Variants in ERI2 observed in about 807,000 individuals in gnomAD.
ERI2 encodes ERI1 exoribonuclease family member 2, also known as ERI1 exoribonuclease 2.
Under a neutral mutation model 46.8 loss-of-function variants are expected in ERI2, and 35 were observed. That is an observed-to-expected ratio of 0.75 (90% CI 0.57 to 0.99). ERI2 has a LOEUF of 0.99. ERI2 is among the 50% of genes least tolerant of loss of function. ERI2 has a pLI of 0.00. For missense variants in ERI2, 695 were observed against 796.2 expected (o/e 0.87, Z 1.53); for synonymous variants, 224 against 271.0 (o/e 0.83, Z 1.70).
At chr16:20,784,998 G>C (rs1160286789) in intron 10 of ERI2, 1 of 1,613,134 alleles carries the variant, frequency 6.2e-7, no homozygotes, top group Non-Finnish European at 8.5e-7. Flanking sequence ...AAGTTTAAAA[G>C]CTTAAAGCAC....
rs538425394 is a variant in ERI2, at chr16:20,803,759, A to C, written c.24-89T>G. 3 of 1,455,274 alleles carry C rather than the reference A, an allele frequency of 2.1e-6. No homozygotes were observed. In the East Asian group the frequency reaches 7.2e-5, roughly 35 times the overall value. The allele number at this position is 1,455,274 out of a possible 1,614,324, so 90.1% of individuals were successfully genotyped here. On this transcript the variant is annotated intron_variant, in intron 1 of 8. Coordinates refer to ENST00000357967, the MANE Select transcript of ERI2 (RefSeq NM_001142725.2). ...TACCAAACTAATGGTACTGGGCAAC[A>C]ATCTCATTATTTATTGTGACTGAGG...
chr16:20,789,644 A>T, intron 9 of ERI2: 1 of 922,760 alleles, frequency 1.1e-6, no homozygotes, highest in Non-Finnish European at 1.8e-6. Context: ...TGATAAAAGC[A>T]GGTTGGCAAA....
chr16:20,796,387 C>G lies in ERI2; in HGVS notation c.*1337G>C. On this transcript the variant is annotated 3_prime_UTR_variant, in exon 9 of 9. Coordinates refer to ENST00000357967, the MANE Select transcript of ERI2 (RefSeq NM_001142725.2). The stretch of plus-strand genomic sequence containing the variant: ...TATTTTAGGTAGTAAAGGCTTTTGT[C>G]GTTCTAAATCCTGATTACAAGTCAC... 6.2e-7 allele frequency: 1 copy of G among 1,610,602 alleles called. No individual in the cohort carries two copies. Among genetic ancestry groups the G allele is most frequent in the South Asian group, 1.1e-5 (1 of 90,342 alleles).
intron 10 of ERI2, chr16:20,784,931 T>C (rs2080437671): frequency 6.4e-7 from 1 of 1,567,330 alleles, no homozygotes; most frequent in Non-Finnish European, 8.6e-7. Flanking sequence ...TCCTTAATCT[T>C]CACTTCTCTC....
chr16:20,796,265 G>A, downstream of ERI2: 1 of 1,500,450 alleles, frequency 6.7e-7, no homozygotes, highest in Non-Finnish European at 8.9e-7. Context: ...AAAACACACT[G>A]GCCCACCCCA....
chr16:20,781,804 A>T, intron 10 of ERI2: 1 of 1,569,006 alleles, frequency 6.4e-7, no homozygotes. Context: ...AATGTTAGTA[A>T]ATAGGCATCT....
chr16:20,780,834 TTTAGGATTATCTG>T (rs1360446258), intron 10 of ERI2: 6 of 1,614,032 alleles, frequency 3.7e-6, no homozygotes, highest in Admixed American at 1.7e-5. Flanking sequence ...GCAGTTTTGG[TTTAGGATTATCTG>T]TAAATGGAAG....
rs1235507620 is a variant in ERI2 at position 20,797,445 on chromosome 16, A to G, written c.*279T>C. ...ACAAGAATCTACCTGAAAATAGACT[A>G]GGGATTTTTATTAGTCACATTTTTT... On this transcript the variant is annotated 3_prime_UTR_variant, in exon 9 of 9. Coordinates refer to ENST00000357967, the MANE Select transcript of ERI2 (RefSeq NM_001142725.2). The G allele has an allele frequency of 6.8e-6, 7 of 1,034,024 alleles. No homozygotes were observed. Among genetic ancestry groups the G allele is most frequent in the Admixed American group, 5.3e-5 (1 of 18,794 alleles). 64.1% of individuals were successfully genotyped at this position (1,034,024 alleles called of 1,614,324 possible). A position where few individuals can be genotyped will look rare whatever the true frequency, so the allele number is the denominator to read the frequency against.
chr16:20,796,219 T>G (rs2080719936), downstream of ERI2: 1 of 1,331,948 alleles, frequency 7.5e-7, no homozygotes, highest in Admixed American at 2.9e-5. Flanking sequence ...AGGAAGTGGC[T>G]GGCTTAAGAG....
downstream of ERI2, among the ~76,000 whole-genome samples, chr16:20,795,593 T>A (rs1175438579): frequency 6.6e-6 from 1 of 152,232 alleles, no homozygotes; most frequent in Admixed American, 6.5e-5. Flanking sequence ...AAGTGCAGGA[T>A]ACTTAATCAT....
In ERI2 at chr16:20,790,521, A is replaced by G; in HGVS notation, c.815+329T>C. On this transcript the variant is annotated intron_variant, in intron 9 of 10. Coordinates refer to the ERI2 transcript ENST00000300005. The surrounding 1 kb of genome is among the most constrained non-coding windows in gnomAD (Gnocchi z 4.0). ...GCAAAAGCCAAAATAAAACTTGCAAAGTTAATATTTAAGCTGCGACATTAA... is the reference window on the plus strand; with the variant it reads ...GCAAAAGCCAAAATAAAACTTGCAAGGTTAATATTTAAGCTGCGACATTAA... The G allele has an allele frequency of 1.4e-6, 2 of 1,456,542 alleles. No homozygotes were observed. The highest frequency in any genetic ancestry group is 1.8e-4 in the Middle Eastern group (1 of 5,638). The allele number at this position is 1,456,542 out of a possible 1,614,324, so 90.2% of individuals were successfully genotyped here.
At chr16:20,785,356 A>T (rs997181499) in intron 10 of ERI2, among the ~76,000 whole-genome samples, 1 of 152,224 alleles carries the variant, frequency 6.6e-6, no homozygotes. Context: ...ATATTTTTTT[A>T]AATGAAATAA....
exon 11 of ERI2, chr16:20,780,322 A>T (rs567976003): frequency 3.7e-5 from 12 of 325,714 alleles, no homozygotes; most frequent in African/African-American, 8.5e-5. Context: ...ACTCATTTTT[A>T]AAAAATCACA....
chr16:20,804,653 G>A (rs897124217), intron 1 of ERI2, among the ~76,000 whole-genome samples: 2 of 152,014 alleles, frequency 1.3e-5, no homozygotes, highest in Admixed American at 1.3e-4. Flanking sequence ...GCAACAGAGC[G>A]AGACCCTGTC....
At position 20,797,966 on chromosome 16, in the gene ERI2, C is replaced by G; in HGVS notation, c.1834G>C (p.Gly612Arg). ...RSKRLVVSNN[G>R]PNHGKVFYCC... Reference sequence around the variant, plus strand: ...TAGAAGACTTTTCCATGGTTCGGTCCATTATTAGAAACAACAAGTCTCTTA... The same window carrying G: ...TAGAAGACTTTTCCATGGTTCGGTCGATTATTAGAAACAACAAGTCTCTTA... Residue 612 changes from glycine (G) to arginine (R), a missense_variant, in exon 9 of 9, where the codon GGA becomes CGA. Transcript: ENST00000357967. 2 of 1,551,848 alleles carry G rather than the reference C, an allele frequency of 1.3e-6. No individual in the cohort carries two copies. The highest frequency in any genetic ancestry group is 1.7e-6 in the Non-Finnish European group (2 of 1,146,966).
At chr16:20,799,616 C>T (rs1028296155) in intron 7 of ERI2, 5 of 475,968 alleles carry the variant, frequency 1.1e-5, no homozygotes, top group South Asian at 3.4e-5. Context: ...ATGTGGCCAG[C>T]GTTCTGCAGG....
Position 20,787,938 on chromosome 16 carries a change from T to C in ERI2, c.894+1541A>G, listed in dbSNP as rs987039713. 5.9e-5 allele frequency among the ~76,000 whole-genome samples: 9 copies of C among 152,298 alleles called. No individual in the cohort carries two copies. In the East Asian group the frequency reaches 1.7e-3, roughly 29 times the overall value. On this transcript the variant is annotated intron_variant, in intron 10 of 10. Transcript: ENST00000300005. The stretch of plus-strand genomic sequence containing the variant: ...AACCCCTCACCACTTCAGTCTCAGA[T>C]GGTTGGTAAACCAAATAATAACAGA...
At position 20,797,849 on chromosome 16, in the gene ERI2, T is replaced by G; in HGVS notation, c.1951A>C (p.Met651Leu). 1 of 1,551,622 alleles carries G rather than the reference T, an allele frequency of 6.4e-7. No homozygotes were observed. The highest frequency in any genetic ancestry group is 8.7e-7 in the Non-Finnish European group (1 of 1,146,900). ...QTLQKERANSMVPSHSTGGLT... is the reference protein window; with the variant it reads ...QTLQKERANSLVPSHSTGGLT... ...CCCCCTGTGGAATGAGATGGAACCA[T>G]GCTGTTGGCTCTTTCCTTTTGAAGT... Residue 651 changes from methionine (M) to leucine (L), a missense_variant, in exon 9 of 9, where the codon ATG becomes CTG. By Grantham distance (15) the Met-to-Leu change is conservative. Transcript: ENST00000357967.
At chr16:20,789,537 A>G in exon 10 of ERI2, 2 of 1,613,532 alleles carry the variant, frequency 1.2e-6, no homozygotes, top group South Asian at 1.1e-5. Flanking sequence ...CTTCTGAAGT[A>G]AGGTTCTGTA....
Sources: allele counts gnomAD v4.1 joint callset (sites outside exome capture counted in the v4.1 genomes callset), GRCh38; gene constraint gnomAD v4.1.1; non-coding constraint Gnocchi (gnomAD v3.1); transcripts MANE v1.5; gene names NCBI Gene and HGNC (gene_info 2026-07-23, HGNC 2026-07-21).